The following DRC3 variants were observed in gnomAD, a reference collection of about 807,000 sequenced individuals.
The protein encoded by DRC3 is dynein regulatory complex subunit 3.
Under a neutral mutation model 57.6 loss-of-function variants are expected in DRC3, and 45 were observed. The observed-to-expected ratio is 0.78, with a 90% confidence interval of 0.62 to 1.00. The LOEUF is 1.00. Ranked by LOEUF, DRC3 falls within the 50% of genes least tolerant of loss-of-function variation. The probability of loss-of-function intolerance (pLI) is 0.00; values close to 1 mark genes in which losing one functional copy is unlikely to be tolerated. For synonymous variants in DRC3, 257 were observed against 272.3 expected (o/e 0.94, Z 0.55); for missense variants, 655 against 675.2 (o/e 0.97, Z 0.33).
At chr17:17,997,209 G>A (rs2043495400) in intron 8 of DRC3, among the ~76,000 whole-genome samples, 1 of 152,148 alleles carries the variant, frequency 6.6e-6, no homozygotes, top group African/African-American at 2.4e-5. Flanking sequence ...CCTTCACACA[G>A]GCCCCATTCC....
chr17:17,981,870 T>G (rs1385144600), intron 3 of DRC3, among the ~76,000 whole-genome samples: 3 of 151,920 alleles, frequency 2.0e-5, no homozygotes, highest in Non-Finnish European at 4.4e-5. Context: ...ATTTTTATTA[T>G]AGAGACAGTG....
intron 12 of DRC3, among the ~76,000 whole-genome samples, chr17:18,013,779 G>A (rs1568550701): frequency 1.3e-5 from 2 of 152,120 alleles, no homozygotes; most frequent in Non-Finnish European, 2.9e-5. Flanking sequence ...ATAGCTAAAA[G>A]GAGGATATTG....
At chr17:18,013,512 A>C (rs1032633307) in intron 12 of DRC3, among the ~76,000 whole-genome samples, 2 of 152,244 alleles carry the variant, frequency 1.3e-5, no homozygotes, top group African/African-American at 4.8e-5. Flanking sequence ...ACTGGAGGAC[A>C]TTATGTTAAG....
At chr17:18,007,209 C>G (rs2044010745) in intron 12 of DRC3, 62 bp downstream of exon 12, 5 of 9,884 alleles carry the variant, frequency 5.1e-4, no homozygotes. Context: ...TGTGGCTGGA[C>G]TGAGGCTCTG....
At chr17:18,002,332 AATCATGCTGTT>A (rs1345595823) in intron 9 of DRC3, among the ~76,000 whole-genome samples, 4 of 152,164 alleles carry the variant, frequency 2.6e-5, no homozygotes, top group Admixed American at 2.6e-4. Context: ...CGCCCCCTTC[AATCATGCTGTT>A]ACTCCATCCT....
chr17:18,016,641 C>T lies in DRC3; in HGVS notation c.1542C>T (p.Asp514=). ...TCGACCACATGCAGAGCGAACTGGA[C>T]AACCTGGAATGTGGCGACATCCTAG... The part of the protein sequence containing the change: ...QYIDHMQSEL[D]NLECGDILD The change falls in exon 14 of 14, where the codon GAC becomes GAT. Residue 514 remains aspartate (D), a synonymous_variant. Coordinates refer to ENST00000399187, the MANE Select transcript of DRC3 (RefSeq NM_031294.4). 4 of 1,613,496 alleles carry T rather than the reference C, an allele frequency of 2.5e-6. No individual in the cohort carries two copies. The highest frequency in any genetic ancestry group is 3.4e-6 in the Non-Finnish European group (4 of 1,179,544).
At chr17:17,976,296 G>A (rs1390817780) in intron 2 of DRC3, among the ~76,000 whole-genome samples, 1 of 152,216 alleles carries the variant, frequency 6.6e-6, no homozygotes, top group Non-Finnish European at 1.5e-5. Context: ...ACGGCAGCCT[G>A]GAGTCAGCCT....
Position 18,016,131 on chromosome 17 carries a change from T to C in DRC3, c.1394T>C (p.Ile465Thr), listed in dbSNP as rs375626870. 27 of 1,613,840 alleles carry C rather than the reference T, an allele frequency of 1.7e-5. No individual in the cohort carries two copies. Among genetic ancestry groups the C allele is most frequent in the South Asian group, 3.3e-5 (3 of 91,092 alleles). Residue 465 changes from isoleucine to threonine, a missense_variant, in exon 13 of 14, where the codon ATT becomes ACT. Ile to Thr is a moderately conservative substitution (Grantham distance 89, BLOSUM62 -1). Coordinates refer to ENST00000399187, the MANE Select transcript of DRC3 (RefSeq NM_031294.4). Reference sequence around the variant, plus strand: ...TCGCACGACATCCACCTCCTGAAGATTGACAATCGAGAAGATGAGCTGGTG... The same window carrying C: ...TCGCACGACATCCACCTCCTGAAGACTGACAATCGAGAAGATGAGCTGGTG... The part of the protein sequence containing the change: ...GASHDIHLLK[I>T]DNREDELVTR...
intron 12 of DRC3, chr17:18,011,034 G>A (rs951543418): frequency 1.4e-5 from 3 of 211,252 alleles, no homozygotes; most frequent in African/African-American, 2.4e-5. Flanking sequence ...CTTGGCTCAC[G>A]ACAATCTCCA....
chr17:18,009,711 T>G (rs1449547482), intron 12 of DRC3, among the ~76,000 whole-genome samples: 1 of 152,168 alleles, frequency 6.6e-6, no homozygotes, highest in Non-Finnish European at 1.5e-5. Flanking sequence ...GAGGAGGGAC[T>G]AGGGCTGTGG....
At chr17:17,984,087 T>A (rs894459934) in intron 4 of DRC3, 143 bp downstream of exon 4, 24 of 589,628 alleles carry the variant, frequency 4.1e-5, no homozygotes, top group Non-Finnish European at 1.2e-5. Flanking sequence ...CTCTGCCTGC[T>A]GGGAGCAAGA....
At chr17:18,007,374 T>C (rs2044017850) in intron 12 of DRC3, 1 of 1,550,478 alleles carries the variant, frequency 6.4e-7, no homozygotes, top group Non-Finnish European at 8.7e-7. Flanking sequence ...TCATGATAAT[T>C]AGATGGTTTC....
rs999219305 is a variant in DRC3, at chr17:18,006,186, A to G, written c.1135A>G (p.Thr379Ala). 1.2e-6 allele frequency: 2 copies of G among 1,608,608 alleles called. No individual in the cohort carries two copies. The highest frequency in any genetic ancestry group is 2.7e-5 in the African/African-American group (2 of 74,794). Residue 379 changes from threonine to alanine, a missense_variant, in exon 11 of 14, where the codon ACT becomes GCT. By Grantham distance (58) the Thr-to-Ala change is moderately conservative. Coordinates refer to ENST00000399187, the MANE Select transcript of DRC3 (RefSeq NM_031294.4). ...EMQLVEQLEE[T>A]INMFERNIVD... ...CTGTGTTCTTTAACATTTCCAGGAG[A>G]CTATAAACATGTTTGAAAGGAACAT...
At chr17:18,003,005 C>T (rs553888994) in intron 9 of DRC3, among the ~76,000 whole-genome samples, 3 of 152,200 alleles carry the variant, frequency 2.0e-5, no homozygotes, top group South Asian at 2.1e-4. Context: ...CTCAAGAAGC[C>T]GTTAGGGCCG....
intron 3 of DRC3, chr17:17,977,964 G>T: frequency 2.0e-6 from 1 of 492,230 alleles, no homozygotes; most frequent in East Asian, 3.5e-5. Flanking sequence ...GAATATCCAC[G>T]ACGCTCCGGA....
intron 4 of DRC3, among the ~76,000 whole-genome samples, chr17:17,986,946 C>T (rs1407936599): frequency 6.6e-6 from 1 of 152,134 alleles, no homozygotes; most frequent in Non-Finnish European, 1.5e-5. Flanking sequence ...GACATGGTGG[C>T]TCACACCTGT....
intron 12 of DRC3, chr17:18,011,332 G>C (rs2044160461): frequency 2.9e-6 from 1 of 346,886 alleles, no homozygotes; most frequent in Non-Finnish European, 5.6e-6. Flanking sequence ...CAAGGCGTTT[G>C]TTGCCATCAG....
At chr17:18,007,467 G>C in intron 12 of DRC3, 1 of 1,551,310 alleles carries the variant, frequency 6.4e-7, no homozygotes, top group South Asian at 1.2e-5. Context: ...ACAGGTAGAG[G>C]TTGAAGTCTG....
At chr17:17,997,297 T>C (rs1568503954) in intron 8 of DRC3, among the ~76,000 whole-genome samples, 163 bp from the exon 9 acceptor site, 1 of 152,216 alleles carries the variant, frequency 6.6e-6, no homozygotes, top group African/African-American at 2.4e-5. Flanking sequence ...TCTGGGCCTT[T>C]GATTTCTTCA....
Sources: allele counts gnomAD v4.1 joint callset (sites outside exome capture counted in the v4.1 genomes callset), GRCh38; gene constraint gnomAD v4.1.1; transcripts MANE v1.5; gene names NCBI Gene and HGNC (gene_info 2026-07-23, HGNC 2026-07-21).